SNX8: variants seen among roughly 807,000 people sequenced by gnomAD.
SNX8 encodes the protein sorting nexin-8.
Under a neutral mutation model 51.6 loss-of-function variants are expected in SNX8, and 25 were observed. That is an observed-to-expected ratio of 0.48 (90% CI 0.35 to 0.68). SNX8 has a LOEUF of 0.68. Among genes scored for constraint, SNX8 ranks in the 30% least tolerant of loss-of-function variants. SNX8 has a pLI of 0.00. For missense variants in SNX8, 695 were observed against 624.0 expected (o/e 1.11, Z -1.21); for synonymous variants, 324 against 277.0 (o/e 1.17, Z -1.68).
At chr7:2,301,508 C>G (rs572667611) in intron 1 of SNX8, among the ~76,000 whole-genome samples, 1 of 152,336 alleles carries the variant, frequency 6.6e-6, no homozygotes, top group South Asian at 2.1e-4. Context: ...AGAACCACCC[C>G]CTTACCAGGG....
chr7:2,320,316 G>T (rs920263048), intron 1 of SNX8, among the ~76,000 whole-genome samples: 6 of 152,210 alleles, frequency 3.9e-5, no homozygotes, highest in African/African-American at 1.4e-4. Context: ...TTTTTTTAAA[G>T]TTCCTCAGAT....
chr7:2,335,631 T>C (rs958508308), intron 1 of SNX8, among the ~76,000 whole-genome samples: 4 of 151,194 alleles, frequency 2.6e-5, no homozygotes, highest in African/African-American at 9.7e-5. Context: ...TGAAACCCCG[T>C]CTCTACTAAA....
intron 1 of SNX8, among the ~76,000 whole-genome samples, chr7:2,348,046 G>A (rs1204560066): frequency 3.3e-5 from 5 of 152,116 alleles, no homozygotes; most frequent in East Asian, 1.9e-4. Flanking sequence ...AAATTACTGA[G>A]ATACTGAGAA....
At chr7:2,285,887 T>C (rs1489515527) in intron 1 of SNX8, among the ~76,000 whole-genome samples, 2 of 151,988 alleles carry the variant, frequency 1.3e-5, no homozygotes, top group Non-Finnish European at 2.9e-5. Flanking sequence ...CTCACTATGT[T>C]GCCCAGGCTG....
At chr7:2,309,093 A>T (rs1040315570) in intron 1 of SNX8, among the ~76,000 whole-genome samples, 7 of 151,932 alleles carry the variant, frequency 4.6e-5, no homozygotes, top group Non-Finnish European at 8.8e-5. Flanking sequence ...CCAGACACAA[A>T]TCTTTTTTTT....
intron 1 of SNX8, among the ~76,000 whole-genome samples, chr7:2,338,677 A>G (rs1448297118): frequency 2.0e-5 from 3 of 152,162 alleles, no homozygotes; most frequent in Admixed American, 2.0e-4. Flanking sequence ...ATGATTGCTA[A>G]TCTCAAATAA....
At chr7:2,261,357 C>T (rs1200652076) in intron 7 of SNX8, among the ~76,000 whole-genome samples, 2 of 152,012 alleles carry the variant, frequency 1.3e-5, no homozygotes, top group Non-Finnish European at 2.9e-5. Flanking sequence ...CGCTTGAACC[C>T]GGGAGGCAGA....
chr7:2,298,084 T>C lies in SNX8; in HGVS notation c.94+16244A>G, dbSNP rs1219265170. Among the ~76,000 whole-genome samples the C allele has an allele frequency of 3.9e-5, 6 of 152,034 alleles. 1 individual carries two copies. Among genetic ancestry groups the C allele is most frequent in the Admixed American group, 2.0e-4 (3 of 15,258 alleles). ...AAAACACAAAAAATGTTAAAGCACC[T>C]AGCATGGTGCCCAGGGCCCAAGCTT... On this transcript the variant is annotated intron_variant, in intron 1 of 10. Coordinates refer to ENST00000222990, the MANE Select transcript of SNX8 (RefSeq NM_013321.4).
intron 1 of SNX8, among the ~76,000 whole-genome samples, chr7:2,327,471 G>A (rs569831155): frequency 1.4e-5 from 2 of 145,976 alleles, no homozygotes; most frequent in South Asian, 2.2e-4. Context: ...GCAGTGGCGC[G>A]ATCTCGGCTC....
chr7:2,271,533 C>T (rs1380817277), intron 4 of SNX8, among the ~76,000 whole-genome samples: 2 of 152,216 alleles, frequency 1.3e-5, no homozygotes, highest in East Asian at 1.9e-4. Context: ...TTTAAGTCAA[C>T]ACTTCTTCCC....
intron 3 of SNX8, among the ~76,000 whole-genome samples, chr7:2,274,256 C>T (rs1424368344): frequency 6.6e-6 from 1 of 152,214 alleles, no homozygotes; most frequent in Admixed American, 6.5e-5. Flanking sequence ...GCTCAGTGAC[C>T]GATGAGAGGC....
At chr7:2,336,194 G>C (rs1778825648) in intron 1 of SNX8, among the ~76,000 whole-genome samples, 1 of 151,212 alleles carries the variant, frequency 6.6e-6, no homozygotes, top group Admixed American at 6.6e-5. Flanking sequence ...CTGAGGTAGG[G>C]AATTCGAGAC....
At chr7:2,350,734 C>T (rs1779121119) in intron 1 of SNX8, among the ~76,000 whole-genome samples, 4 of 152,086 alleles carry the variant, frequency 2.6e-5, no homozygotes, top group Admixed American at 2.6e-4. Context: ...GCAGCCTCTG[C>T]CTCCTGGGCT....
intron 6 of SNX8, 152 bp downstream of exon 6, chr7:2,264,146 C>G: frequency 1.5e-6 from 1 of 654,962 alleles, no homozygotes; most frequent in Admixed American, 3.2e-5. Context: ...AATATGACCC[C>G]CCATGTGCCT....
chr7:2,289,050 T>C (rs1796093123), intron 1 of SNX8, among the ~76,000 whole-genome samples: 1 of 152,214 alleles, frequency 6.6e-6, no homozygotes, highest in South Asian at 2.1e-4. Context: ...TTTTATATTA[T>C]GTAACCACGG....
intron 1 of SNX8, among the ~76,000 whole-genome samples, chr7:2,295,592 CAAAAAAA>C (rs147853805): frequency 2.1e-3 from 197 of 93,546 alleles, no homozygotes; most frequent in Middle Eastern, 6.8e-3. Context: ...GTAATCCCAG[CAAAAAAA>C]AAAAAAAAAA....
intron 1 of SNX8, among the ~76,000 whole-genome samples, chr7:2,323,981 A>G (rs183125328): frequency 6.6e-6 from 1 of 151,950 alleles, no homozygotes; most frequent in African/African-American, 2.4e-5. Flanking sequence ...TAAGCTGGGC[A>G]TGGTGGTGCA....
chr7:2,336,231 A>G (rs910072828), intron 1 of SNX8, among the ~76,000 whole-genome samples: 3 of 151,276 alleles, frequency 2.0e-5, no homozygotes, highest in Non-Finnish European at 4.4e-5. Flanking sequence ...GAGAAACCCC[A>G]TATCTACTAA....
chr7:2,343,857 A>T (rs1778975403), intron 1 of SNX8, among the ~76,000 whole-genome samples: 1 of 151,576 alleles, frequency 6.6e-6, no homozygotes, highest in South Asian at 2.1e-4. Context: ...TGTCTCTACT[A>T]AAAAATACAA....
Sources: gnomAD v4.1 joint callset for allele counts (sites outside exome capture counted in the v4.1 genomes callset) on GRCh38, gnomAD v4.1.1 for gene constraint, MANE v1.5 for transcripts, NCBI Gene and HGNC (gene_info 2026-07-23, HGNC 2026-07-21) for gene names.